KIF5A: variants seen among roughly 807,000 people sequenced by gnomAD.
The protein encoded by KIF5A is kinesin family member 5A.
Under a neutral mutation model 141.3 loss-of-function variants are expected in KIF5A, and 35 were observed. The observed-to-expected ratio is 0.25, with a 90% CI of 0.19 to 0.33. The LOEUF (loss-of-function observed/expected upper bound fraction) is 0.33. Ranked by LOEUF, KIF5A falls within the 10% of genes least tolerant of loss-of-function variation. The pLI is 1.00. For synonymous variants in KIF5A, 448 were observed against 500.2 expected (o/e 0.90, Z 1.39); for missense variants, 861 against 1,314.3 (o/e 0.66, Z 5.33).
At chr12:57,582,096 T>G in intron 26 of KIF5A, 144 bp downstream of exon 26, 1 of 719,028 alleles carries the variant, frequency 1.4e-6, no homozygotes, top group East Asian at 2.7e-5. Context: ...AAAATACATA[T>G]AGCCAGGTGT....
chr12:57,579,492 AT>A (rs1191976676), intron 23 of KIF5A, among the ~76,000 whole-genome samples: 1 of 152,022 alleles, frequency 6.6e-6, no homozygotes, highest in Non-Finnish European at 1.5e-5. Context: ...TATATAGTAA[AT>A]ATTCAGTACT....
At chr12:57,573,944 A>G (rs1470217935) in intron 15 of KIF5A, among the ~76,000 whole-genome samples, 2 of 149,382 alleles carry the variant, frequency 1.3e-5, no homozygotes, top group South Asian at 2.1e-4. Context: ...TTAGCCAGGC[A>G]TGGTGGCGGG....
At chr12:57,565,599 C>A (rs1882039895) in intron 6 of KIF5A, among the ~76,000 whole-genome samples, 2 of 151,626 alleles carry the variant, frequency 1.3e-5, no homozygotes, top group East Asian at 3.9e-4. Flanking sequence ...CATAGCAAGA[C>A]CCGTCTCTCT....
chr12:57,578,025 C>G lies in KIF5A; in HGVS notation c.2378C>G (p.Thr793Ser). The G allele has an allele frequency of 6.2e-7, 1 of 1,614,152 alleles. No homozygotes were observed. The highest frequency in any genetic ancestry group is 8.5e-7 in the Non-Finnish European group (1 of 1,179,948). ...LEETVARELQ[T>S]LHNLRKLFVQ... ...TCTTTCCAGGCCCGGGAACTCCAGA[C>G]CCTCCACAACCTTCGCAAGCTGTTC... is the stretch of plus-strand genomic sequence containing the variant. The change falls in exon 22 of 29, where the codon ACC (threonine) becomes AGC (serine). Residue 793 changes from threonine to serine, a missense_variant. This residue lies in a region of KIF5A where 482 missense variants were observed against 661.3 expected (regional missense o/e 0.73). Transcript: ENST00000455537.
intron 1 of KIF5A, among the ~76,000 whole-genome samples, chr12:57,556,742 C>T (rs1881759587): frequency 6.6e-6 from 1 of 151,900 alleles, no homozygotes; most frequent in Admixed American, 6.6e-5. Flanking sequence ...CATTTAATCC[C>T]CTTTGGCTGG....
chr12:57,583,313 C>A, intron 28 of KIF5A, 98 bp downstream of exon 28: 1 of 699,174 alleles, frequency 1.4e-6, no homozygotes, highest in Non-Finnish European at 2.5e-6. Context: ...TTTTTTTTAT[C>A]ACCTCAAAAC....
chr12:57,571,574 CTT>C (rs1259354759), intron 13 of KIF5A, among the ~76,000 whole-genome samples, 185 bp downstream of exon 13: 2 of 143,882 alleles, frequency 1.4e-5, no homozygotes, highest in African/African-American at 2.5e-5. Flanking sequence ...TTTTTCTTTT[CTT>C]TTTTTTTTTT....
At chr12:57,583,748 C>G (rs1882677500) in intron 28 of KIF5A, among the ~76,000 whole-genome samples, 1 of 152,204 alleles carries the variant, frequency 6.6e-6, no homozygotes, top group Non-Finnish European at 1.5e-5. Context: ...CGAAATCAGT[C>G]AGCGCTCCCC....
intron 27 of KIF5A, 135 bp downstream of exon 27, chr12:57,582,764 C>G: frequency 3.8e-6 from 3 of 792,692 alleles, no homozygotes; most frequent in Non-Finnish European, 6.7e-6. Flanking sequence ...CTTTTCATCA[C>G]TGTGTTGTCC....
At chr12:57,566,000 G>A (rs1882052546) in intron 6 of KIF5A, among the ~76,000 whole-genome samples, 1 of 151,922 alleles carries the variant, frequency 6.6e-6, no homozygotes, top group African/African-American at 2.4e-5. Context: ...TCAGGAGGCT[G>A]AGGCGGGAGA....
chr12:57,571,694 T>A (rs1390195010), intron 13 of KIF5A, among the ~76,000 whole-genome samples: 3 of 151,862 alleles, frequency 2.0e-5, no homozygotes, highest in Non-Finnish European at 4.4e-5. Flanking sequence ...CTCAGCCCCC[T>A]AAGTAGCTGG....
In KIF5A at chr12:57,570,109, C is replaced by A; in HGVS notation, c.1240C>A (p.Arg414=). ...CGTGGTGCGCATCGCGCCCGAGGAGCGGCAGAAATACGAGGAGGAGATCCG... is the reference window on the plus strand; with the variant it reads ...CGTGGTGCGCATCGCGCCCGAGGAGAGGCAGAAATACGAGGAGGAGATCCG... ...SIVVRIAPEE[R]QKYEEEIRRL... is the part of the protein sequence containing the mutation. Residue 414 remains arginine, a synonymous_variant, in exon 12 of 29, where the codon CGG becomes AGG. Transcript: ENST00000455537. The A allele has an allele frequency of 6.2e-7, 1 of 1,614,152 alleles. No individual in the cohort carries two copies. The highest frequency in any genetic ancestry group is 8.5e-7 in the Non-Finnish European group (1 of 1,180,036).
chr12:57,558,253 A>C (rs2140155550), intron 1 of KIF5A, among the ~76,000 whole-genome samples: 1 of 151,900 alleles, frequency 6.6e-6, no homozygotes, highest in East Asian at 2.0e-4. Flanking sequence ...AAAAATATAA[A>C]AATTCTGGCT....
At chr12:57,573,809 C>T (rs530422409) in intron 15 of KIF5A, among the ~76,000 whole-genome samples, 56 of 121,430 alleles carry the variant, frequency 4.6e-4, no homozygotes, top group Non-Finnish European at 5.9e-4. Context: ...GCCTGGGCAA[C>T]AAGAGTGAAA....
intron 23 of KIF5A, among the ~76,000 whole-genome samples, chr12:57,580,243 G>T (rs1399287085): frequency 6.6e-6 from 1 of 152,166 alleles, no homozygotes; most frequent in Admixed American, 6.5e-5. Flanking sequence ...CCTGTAAAAA[G>T]ATCAGGAAGT....
At chr12:57,569,816 G>A (rs1882189429) in intron 11 of KIF5A, 133 bp downstream of exon 11, 2 of 1,443,366 alleles carry the variant, frequency 1.4e-6, no homozygotes, top group Non-Finnish European at 1.9e-6. Flanking sequence ...GACAGGTGCA[G>A]TAGAGCAGTC....
chr12:57,553,741 A>G (rs1225962840), intron 1 of KIF5A, among the ~76,000 whole-genome samples: 1 of 152,162 alleles, frequency 6.6e-6, no homozygotes, highest in Non-Finnish European at 1.5e-5. Flanking sequence ...GCTGGGATAC[A>G]CAAATGGAAG....
chr12:57,576,704 C>T (rs1882437242), intron 19 of KIF5A, 57 bp from the exon 20 acceptor site: 1 of 1,301,222 alleles, frequency 7.7e-7, no homozygotes, highest in African/African-American at 1.5e-5. Context: ...CTGGCCTTCC[C>T]TTCCCCCTCA....
chr12:57,569,185 C>A, intron 9 of KIF5A, 71 bp from the exon 10 acceptor site: 1 of 1,596,700 alleles, frequency 6.3e-7, no homozygotes, highest in East Asian at 2.2e-5. Flanking sequence ...GGGGTGGCAC[C>A]ACTATCCTTT....
Sources: gnomAD v4.1 joint callset for allele counts (sites outside exome capture counted in the v4.1 genomes callset) on GRCh38, gnomAD v4.1.1 for gene constraint, gnomAD v4.1.1 regional missense constraint, MANE v1.5 for transcripts, NCBI Gene and HGNC (gene_info 2026-07-23, HGNC 2026-07-21) for gene names.